PDSS1: variants seen among roughly 807,000 people sequenced by gnomAD.
PDSS1 encodes the protein all trans-polyprenyl-diphosphate synthase PDSS1.
A neutral mutation model predicts 57.5 loss-of-function variants in PDSS1; 43 were observed. The ratio of observed to expected loss-of-function variants is 0.75; its 90% CI spans 0.59 to 0.96. The LOEUF (loss-of-function observed/expected upper bound fraction) is 0.96. PDSS1 is among the 50% of genes least tolerant of loss of function. The pLI is 0.00. For missense variants in PDSS1, 438 were observed against 527.8 expected, an observed-to-expected ratio of 0.83 and a Z score of 1.67; for synonymous variants, 175 against 191.3, an observed-to-expected ratio of 0.91 and a Z score of 0.70.
intron 10 of PDSS1, among the ~76,000 whole-genome samples, chr10:26,739,445 T>C (rs1162102783): frequency 6.6e-6 from 1 of 152,186 alleles, no homozygotes; most frequent in Non-Finnish European, 1.5e-5. Context: ...TTTTGCATAT[T>C]AAAATTGCAC....
chr10:26,740,968 C>T (rs781406823), intron 10 of PDSS1, among the ~76,000 whole-genome samples: 1 of 151,992 alleles, frequency 6.6e-6, no homozygotes, highest in Non-Finnish European at 1.5e-5. Flanking sequence ...CCTATTTTTT[C>T]TCTCTCTTCT....
At chr10:26,733,003 G>A (rs897420592) in intron 8 of PDSS1, among the ~76,000 whole-genome samples, 1 of 152,126 alleles carries the variant, frequency 6.6e-6, no homozygotes, top group South Asian at 2.1e-4. Flanking sequence ...CAGGAGAATC[G>A]CTTGAACTTG....
intron 1 of PDSS1, chr10:26,701,751 C>T (rs545076897): frequency 1.8e-4 from 80 of 451,188 alleles, no homozygotes; most frequent in African/African-American, 1.4e-3. Flanking sequence ...CACACGGAGT[C>T]CCTGCTGGGG....
chr10:26,730,213 AG>A (rs1190913023), intron 8 of PDSS1, among the ~76,000 whole-genome samples: 1 of 151,668 alleles, frequency 6.6e-6, no homozygotes, highest in Admixed American at 6.6e-5. Flanking sequence ...CGCCCAGCCT[AG>A]TTGGATTCAT....
At chr10:26,706,162 A>T (rs1361476414) in intron 4 of PDSS1, among the ~76,000 whole-genome samples, 1 of 152,316 alleles carries the variant, frequency 6.6e-6, no homozygotes, top group East Asian at 1.9e-4. Flanking sequence ...CCACCAATTT[A>T]GGAGGCCAAA....
chr10:26,734,896 G>T (rs1195958773), intron 8 of PDSS1, among the ~76,000 whole-genome samples: 1 of 152,140 alleles, frequency 6.6e-6, no homozygotes, highest in Non-Finnish European at 1.5e-5. Context: ...ATGGGGGTCC[G>T]TTTCTTTTGC....
rs1835420455 is a variant in PDSS1 at position 26,712,005 on chromosome 10, T to TTC, written c.467+2238_467+2239insCT. Among the ~76,000 whole-genome samples the TTC allele has an allele frequency of 2.5e-5, 2 of 78,918 alleles. 1 individual carries two copies. The highest frequency in any genetic ancestry group is 6.1e-4 in the East Asian group (2 of 3,256). 51.8% of individuals were successfully genotyped at this position (78,918 alleles called of 152,430 possible). A position where few individuals can be genotyped will look rare whatever the true frequency, so the allele number is the denominator to read the frequency against. Reference sequence around the variant, plus strand: ...GAAGTTTTTCTTTTTCTTTTTCTTTTTTTTTTTTTTTTTTGAGATGGAGTC... The same window carrying TTC: ...GAAGTTTTTCTTTTTCTTTTTCTTTTTCTTTTTTTTTTTTTTGAGATGGAGTC... On this transcript the variant is annotated intron_variant, in intron 5 of 11. Coordinates refer to ENST00000376215, the MANE Select transcript of PDSS1 (RefSeq NM_014317.5).
At chr10:26,703,806 G>A (rs1835118020) in intron 2 of PDSS1, among the ~76,000 whole-genome samples, 1 of 152,072 alleles carries the variant, frequency 6.6e-6, no homozygotes, top group Non-Finnish European at 1.5e-5. Flanking sequence ...ATGGCGCCGG[G>A]CGCGGTGGCT....
At chr10:26,719,491 G>T (rs1037619959) in intron 5 of PDSS1, among the ~76,000 whole-genome samples, 2 of 152,158 alleles carry the variant, frequency 1.3e-5, no homozygotes, top group Non-Finnish European at 2.9e-5. Flanking sequence ...ATTACTACGC[G>T]GGGTGCGGTG....
At chr10:26,734,842 T>A (rs192492512) in intron 8 of PDSS1, 2 of 442,222 alleles carry the variant, frequency 4.5e-6, no homozygotes, top group Admixed American at 2.5e-5. Flanking sequence ...AAGCCAACAG[T>A]AATCGGGCTA....
At chr10:26,703,468 A>G (rs1835107462) in intron 2 of PDSS1, among the ~76,000 whole-genome samples, 1 of 151,988 alleles carries the variant, frequency 6.6e-6, no homozygotes, top group Non-Finnish European at 1.5e-5. Flanking sequence ...ATTACTAGAG[A>G]CCTGATAATA....
chr10:26,705,475 A>T, intron 4 of PDSS1, 81 bp downstream of exon 4: 2 of 576,658 alleles, frequency 3.5e-6, no homozygotes, highest in Non-Finnish European at 5.8e-6. Context: ...TTATTCTTAT[A>T]ATTATTATTA....
chr10:26,704,183 C>T (rs1300359412), intron 2 of PDSS1, among the ~76,000 whole-genome samples: 1 of 149,460 alleles, frequency 6.7e-6, no homozygotes, highest in Non-Finnish European at 1.5e-5. Context: ...AACACCCCCA[C>T]AATCCGATTC....
chr10:26,716,059 A>G (rs1040799120), intron 5 of PDSS1, among the ~76,000 whole-genome samples: 1 of 152,178 alleles, frequency 6.6e-6, no homozygotes, highest in Non-Finnish European at 1.5e-5. Flanking sequence ...GATCAAGTTA[A>G]AAAAATTCCC....
intron 9 of PDSS1, 65 bp downstream of exon 9, chr10:26,735,385 T>C: frequency 7.3e-7 from 1 of 1,376,164 alleles, no homozygotes; most frequent in Non-Finnish European, 1.0e-6. Flanking sequence ...TCCCCTAGTG[T>C]GTAATCGTCA....
intron 6 of PDSS1, among the ~76,000 whole-genome samples, chr10:26,721,773 C>G (rs1451914349): frequency 6.6e-6 from 1 of 152,202 alleles, no homozygotes; most frequent in Non-Finnish European, 1.5e-5. Flanking sequence ...ATGATGGTCT[C>G]CGCCTTGGCT....
chr10:26,701,216 G>A (rs948957066), intron 1 of PDSS1, among the ~76,000 whole-genome samples: 30 of 152,220 alleles, frequency 2.0e-4, no homozygotes, highest in Admixed American at 7.9e-4. Context: ...ATAAACGTTT[G>A]GAAAATTTGC....
intron 8 of PDSS1, among the ~76,000 whole-genome samples, chr10:26,733,270 G>C (rs555043369): frequency 3.9e-5 from 6 of 152,180 alleles, no homozygotes; most frequent in African/African-American, 1.4e-4. Context: ...GCACATCCCA[G>C]GCTGCCCAAA....
In PDSS1 at chr10:26,734,602, T is replaced by C. The variant is rs1206778337; in HGVS notation, c.832-638T>C. On this transcript the variant is annotated intron_variant, in intron 8 of 11. Coordinates refer to ENST00000376215, the MANE Select transcript of PDSS1 (RefSeq NM_014317.5). Reference sequence around the variant, plus strand: ...ATACAGTTACTTCTTTTGAGAGAAATGTGGAAACAGTGGGACCAGTGAAGT... The same window carrying C: ...ATACAGTTACTTCTTTTGAGAGAAACGTGGAAACAGTGGGACCAGTGAAGT... 3.8e-5 allele frequency: 17 copies of C among 444,898 alleles called. No individual in the cohort carries two copies. In the East Asian group the frequency reaches 9.8e-4, roughly 26 times the overall value. The allele number at this position is 444,898 out of a possible 1,614,324, so 27.6% of individuals were successfully genotyped here.
Sources: allele counts gnomAD v4.1 joint callset (sites outside exome capture counted in the v4.1 genomes callset), GRCh38; gene constraint gnomAD v4.1.1; transcripts MANE v1.5; gene names NCBI Gene and HGNC (gene_info 2026-07-23, HGNC 2026-07-21).